SLC25A41: variants seen among roughly 807,000 people sequenced by gnomAD.
SLC25A41 encodes mitochondrial carrier protein SCaMC-3L.
In SLC25A41, 35 loss-of-function variants were observed where a neutral mutation model predicts 34.7. The observed-to-expected ratio is 1.01, with a 90% CI of 0.77 to 1.34. SLC25A41 has a LOEUF of 1.34. Among genes scored for constraint, SLC25A41 ranks in the 40% most tolerant of loss-of-function variants. The probability of loss-of-function intolerance (pLI) is 0.00; values close to 1 mark genes in which losing one functional copy is unlikely to be tolerated. For missense variants in SLC25A41, 492 were observed against 489.8 expected, an observed-to-expected ratio of 1.00 and a Z score of -0.04; for synonymous variants, 190 against 209.9, an observed-to-expected ratio of 0.91 and a Z score of 0.82.
chr19:6,433,339 C>T (rs1197111658), intron 1 of SLC25A41, 148 bp downstream of exon 1: 7 of 766,370 alleles, frequency 9.1e-6, no homozygotes, highest in African/African-American at 3.4e-5. Flanking sequence ...GTGGAGCCAT[C>T]GCGCCCTGCC....
chr19:6,426,792 G>A (rs897850447), intron 6 of SLC25A41, among the ~76,000 whole-genome samples: 1 of 152,130 alleles, frequency 6.6e-6, no homozygotes, highest in African/African-American at 2.4e-5. Context: ...GTGGGAGTGG[G>A]GATAGGGTCT....
Position 6,432,579 on chromosome 19 carries a change from G to GT in SLC25A41, c.208-376dup, listed in dbSNP as rs767319698. Reference sequence around the variant, plus strand: ...TCAAGTGATTCAACCCTCCCCCCTGGTTTTTTTTTGTTTTGTTTTTGTTTT... The same window carrying GT: ...TCAAGTGATTCAACCCTCCCCCCTGGTTTTTTTTTTGTTTTGTTTTTGTTTT... On this transcript the variant is annotated intron_variant, in intron 1 of 6. Transcript: ENST00000321510. 6.0e-3 allele frequency among the ~76,000 whole-genome samples: 819 copies of GT among 135,960 alleles called. 2 individuals are homozygous for GT. The highest frequency in any genetic ancestry group is 0.01 in the Non-Finnish European group (666 of 63,996). The allele number at this position is 135,960 out of a possible 152,430, so 89.2% of individuals were successfully genotyped here.
In SLC25A41 at chr19:6,430,070, T is replaced by C. The variant is rs118145385; in HGVS notation, c.455A>G (p.Asn152Ser). 5.2e-4 allele frequency: 832 copies of C among 1,612,224 alleles called. 3 individuals are homozygous for C. Among genetic ancestry groups the C allele is most frequent in the Non-Finnish European group, 6.8e-4 (800 of 1,179,128 alleles). The change falls in exon 3 of 7, where the codon AAC becomes AGC. Residue 152 changes from asparagine (N) to serine (S), a missense_variant. By Grantham distance (46) the Asn-to-Ser change is conservative. Coordinates refer to ENST00000321510, the MANE Select transcript of SLC25A41 (RefSeq NM_173637.4). ...EGGFRSLWRG[N>S]GINVLKIAPE... ...AGCAATCTTGAGCACGTTGATGCCG[T>C]TGCCCCGCCACAGGGAGCGGAAGCC...
intron 1 of SLC25A41, 146 bp downstream of exon 1, chr19:6,433,341 C>T (rs970721776): frequency 1.3e-5 from 10 of 781,992 alleles, no homozygotes; most frequent in East Asian, 5.2e-5. Flanking sequence ...GGAGCCATCG[C>T]GCCCTGCCTC....
intron 6 of SLC25A41, among the ~76,000 whole-genome samples, 180 bp downstream of exon 6, chr19:6,426,923 C>A (rs1568348204): frequency 6.6e-6 from 1 of 152,182 alleles, no homozygotes; most frequent in Non-Finnish European, 1.5e-5. Context: ...CAGGTCCATA[C>A]TACCATGCCT....
intron 4 of SLC25A41, among the ~76,000 whole-genome samples, chr19:6,429,384 A>AAG (rs2092271048): frequency 4.3e-3 from 1 of 234 alleles, no homozygotes. Context: ...AAGGAAAGGA[A>AAG]GAGGGGAGGA....
rs1405406882 is a variant in SLC25A41, at chr19:6,427,308, T to C, written c.792+26A>G. 1 of 1,605,824 alleles carries C rather than the reference T, an allele frequency of 6.2e-7. No individual in the cohort carries two copies. The highest frequency in any genetic ancestry group is 8.5e-7 in the Non-Finnish European group (1 of 1,174,926). On this transcript the variant is annotated intron_variant, in intron 5 of 6. Transcript: ENST00000321510. This position sits in a 1 kb window ranked among gnomAD's most constrained non-coding sequence, Gnocchi z 4.9. ...TAGGAGCCTGGGCTCCGGCCAGCCC[T>C]GCCACCCCCTCTGCAGGACCCATAC...
At chr19:6,436,248 A>G (rs1048874052), upstream of SLC25A41, 4 of 326,748 alleles carry the variant, frequency 1.2e-5, no homozygotes, top group Non-Finnish European at 1.9e-5. Flanking sequence ...TGTTTGAAGT[A>G]TAAGAGTCTA....
At chr19:6,429,507 G>GGA (rs1389062862) in intron 4 of SLC25A41, among the ~76,000 whole-genome samples, 1 of 118,548 alleles carries the variant, frequency 8.4e-6, no homozygotes, top group African/African-American at 3.1e-5. Context: ...GAAAGGAGGA[G>GGA]GAGGAGAGGA....
chr19:6,432,042 C>A lies in SLC25A41; in HGVS notation c.363+7G>T, dbSNP rs1422094721. The A allele has an allele frequency of 6.2e-7, 1 of 1,608,000 alleles. No homozygotes were observed. Among genetic ancestry groups the A allele is most frequent in the African/African-American group, 1.3e-5 (1 of 74,892 alleles). ...TGGGTCCCGTCCTCCCCCCAACCCA[C>A]ACAAACCTGCATGTACACCTTGGCT... On this transcript the variant is annotated splice_region_variant and intron_variant, in intron 2 of 6. Coordinates refer to ENST00000321510, the MANE Select transcript of SLC25A41 (RefSeq NM_173637.4).
At position 6,426,309 on chromosome 19, in the gene SLC25A41, C is replaced by A; in HGVS notation, c.*80G>T. On this transcript the variant is annotated 3_prime_UTR_variant, in exon 7 of 7. Coordinates refer to ENST00000321510, the MANE Select transcript of SLC25A41 (RefSeq NM_173637.4). The stretch of plus-strand genomic sequence containing the variant: ...CTGCCCCAGGGCCTGAACCTTGAGG[C>A]CTCGAGGGCTCTTTGGGGCCAGGGG... 7.5e-7 allele frequency: 1 copy of A among 1,339,256 alleles called. No homozygotes were observed. The allele number at this position is 1,339,256 out of a possible 1,614,324, so 83.0% of individuals were successfully genotyped here. A position where few individuals can be genotyped will look rare whatever the true frequency, so the allele number is the denominator to read the frequency against.
intron 4 of SLC25A41, among the ~76,000 whole-genome samples, chr19:6,428,613 T>C (rs2092255222): frequency 6.8e-6 from 1 of 147,112 alleles, no homozygotes; most frequent in African/African-American, 2.5e-5. Context: ...ATACATTAAA[T>C]TATTTAGTTA....
rs1223284908 is a variant in SLC25A41 at position 6,427,834 on chromosome 19, A to C, written c.625-333T>G. ...AGACCCCATCTTTACAAAAAAATCA[A>C]TAAAATAAAAATAAGATGTATATGG... On this transcript the variant is annotated intron_variant, in intron 4 of 6. Coordinates refer to ENST00000321510, the MANE Select transcript of SLC25A41 (RefSeq NM_173637.4). The surrounding 1 kb of genome is among the most constrained non-coding windows in gnomAD (Gnocchi z 4.9). Among the ~76,000 whole-genome samples the C allele has an allele frequency of 6.6e-6, 1 of 152,130 alleles. No homozygotes were observed. Among genetic ancestry groups the C allele is most frequent in the Non-Finnish European group, 1.5e-5 (1 of 68,032 alleles).
At chr19:6,435,085 A>G (rs1276538052), upstream of SLC25A41, among the ~76,000 whole-genome samples, 1 of 151,762 alleles carries the variant, frequency 6.6e-6, no homozygotes, top group African/African-American at 2.4e-5. Context: ...TTAGCTGGGC[A>G]TGGTGGTCCA....
In SLC25A41 at chr19:6,432,029, T is replaced by TC. The variant is rs746531399; in HGVS notation, c.363+19dup. The TC allele has an allele frequency of 3.1e-6, 5 of 1,600,132 alleles. No individual in the cohort carries two copies. The highest frequency in any genetic ancestry group is 4.5e-5 in the East Asian group (2 of 44,496). ...GTGGCTCCAGCGCTGGGTCCCGTCCTCCCCCCAACCCACACAAACCTGCAT... is the reference window on the plus strand; with the variant it reads ...GTGGCTCCAGCGCTGGGTCCCGTCCTCCCCCCCAACCCACACAAACCTGCAT... On this transcript the variant is annotated intron_variant, in intron 2 of 6. Coordinates refer to ENST00000321510, the MANE Select transcript of SLC25A41 (RefSeq NM_173637.4).
At chr19:6,434,213 GAT>G (rs1207084158), upstream of SLC25A41, among the ~76,000 whole-genome samples, 9 of 152,142 alleles carry the variant, frequency 5.9e-5, no homozygotes, top group Non-Finnish European at 1.2e-4. Flanking sequence ...AAAGTGCTGG[GAT>G]TACAGGCGTG....
intron 2 of SLC25A41, chr19:6,430,479 T>TCCTC: frequency 2.1e-6 from 1 of 484,074 alleles, no homozygotes; most frequent in Non-Finnish European, 3.8e-6. Context: ...CTTCCTCCGT[T>TCCTC]CCTCCCTTCC....
At chr19:6,435,546 C>T (rs1033771235), upstream of SLC25A41, among the ~76,000 whole-genome samples, 8 of 152,070 alleles carry the variant, frequency 5.3e-5, no homozygotes, top group African/African-American at 1.9e-4. Context: ...CATGATAAAA[C>T]CCCGTGTCTA....
chr19:6,428,616 TTTAG>T (rs1290079999), intron 4 of SLC25A41, among the ~76,000 whole-genome samples: 1 of 147,172 alleles, frequency 6.8e-6, no homozygotes, highest in Non-Finnish European at 1.5e-5. Flanking sequence ...CATTAAATTA[TTTAG>T]TTATATATAA....
Sources: allele counts gnomAD v4.1 joint callset (sites outside exome capture counted in the v4.1 genomes callset), GRCh38; gene constraint gnomAD v4.1.1; non-coding constraint Gnocchi (gnomAD v3.1); transcripts MANE v1.5; gene names NCBI Gene and HGNC (gene_info 2026-07-23, HGNC 2026-07-21).